Variants in HARS1 observed in about 807,000 individuals in gnomAD.
HARS1 encodes the protein histidine--tRNA ligase, cytoplasmic.
In HARS1, 45 loss-of-function variants were observed where a neutral mutation model predicts 63.6. That is an observed-to-expected ratio of 0.71 (90% CI 0.56 to 0.91). The LOEUF (loss-of-function observed/expected upper bound fraction) is 0.91. Ranked by LOEUF, HARS1 falls within the 40% of genes least tolerant of loss-of-function variation. The pLI, the probability that HARS1 is intolerant of heterozygous loss-of-function variation, is 0.00. For missense variants in HARS1, 508 were observed against 643.2 expected (o/e 0.79, Z 2.27); for synonymous variants, 205 against 247.1 (o/e 0.83, Z 1.60).
chr5:140,685,151 A>C (rs1299372836), intron 2 of HARS1: 1 of 151,878 alleles, frequency 6.6e-6, no homozygotes, highest in Non-Finnish European at 1.5e-5. Flanking sequence ...GATTGGTTGC[A>C]ATGTGGAATT....
chr5:140,688,103 CAAACAAAACAAAACAAAACA>C (rs59554063), intron 2 of HARS1, among the ~76,000 whole-genome samples: 84 of 150,692 alleles, frequency 5.6e-4, no homozygotes, highest in Middle Eastern at 6.9e-3. Flanking sequence ...GACTCCGTCT[CAAACAAAACAAAACAAAACA>C]AAACAAAACA....
rs1331794645 is a variant in HARS1 at position 140,691,310 on chromosome 5, C to A, written c.-6G>T. 5.0e-6 allele frequency: 8 copies of A among 1,601,046 alleles called. No individual in the cohort carries two copies. Among genetic ancestry groups the A allele is most frequent in the South Asian group, 3.3e-5 (3 of 90,380 alleles). ...AGCGCCGCACGCTCTGCCATCCCGG[C>A]TGTCCACTTGAGCCGCCTGCTGTCT... On this transcript the variant is annotated 5_prime_UTR_variant, in exon 1 of 13. Transcript: ENST00000504156.
At chr5:140,677,624 G>T (rs762827270) in intron 7 of HARS1, 31 bp downstream of exon 7, 8 of 1,435,434 alleles carry the variant, frequency 5.6e-6, no homozygotes, top group Non-Finnish European at 7.9e-6. Flanking sequence ...GGTGGGATCT[G>T]GGAAAAGAAG....
At chr5:140,678,825 C>T (rs972859319) in intron 5 of HARS1, 177 bp downstream of exon 5, 5 of 581,626 alleles carry the variant, frequency 8.6e-6, no homozygotes, top group Non-Finnish European at 5.8e-6. Flanking sequence ...GCTTGGGCAA[C>T]AGAGCGAGAC....
chr5:140,685,648 G>C, intron 2 of HARS1, among the ~76,000 whole-genome samples: 1 of 151,290 alleles, frequency 6.6e-6, no homozygotes, highest in African/African-American at 2.4e-5. Flanking sequence ...TTGAACCCAG[G>C]AGGTGGAGGC....
intron 2 of HARS1, chr5:140,683,971 G>A (rs1347125541): frequency 6.6e-6 from 1 of 152,322 alleles, no homozygotes; most frequent in East Asian, 1.9e-4. Context: ...CTGAGAGACA[G>A]AGCGAGACTC....
At chr5:140,682,894 T>C in intron 3 of HARS1, 2 of 498,010 alleles carry the variant, frequency 4.0e-6, no homozygotes, top group Non-Finnish European at 7.2e-6. Flanking sequence ...TGGCTCTCTT[T>C]TGGAATCTGC....
In HARS1 at chr5:140,676,357, TAAG is replaced by T; in HGVS notation, c.1194+294_1194+296del. Reference sequence around the variant, plus strand: ...TGCCTGGCACAAGGCAGTAAAATGTTAAGTATTCCGTATCATGAGGAAGATCTA... The same window carrying T: ...TGCCTGGCACAAGGCAGTAAAATGTTTATTCCGTATCATGAGGAAGATCTA... On this transcript the variant is annotated intron_variant, in intron 10 of 12. Coordinates refer to ENST00000504156, the MANE Select transcript of HARS1 (RefSeq NM_002109.6). The surrounding 1 kb of genome is among the most constrained non-coding windows in gnomAD (Gnocchi z 4.1). The T allele has an allele frequency of 2.8e-6, 1 of 361,068 alleles. No individual in the cohort carries two copies. The highest frequency in any genetic ancestry group is 5.0e-6 in the Non-Finnish European group (1 of 198,150). The allele number at this position is 361,068 out of a possible 1,614,324, so 22.4% of individuals were successfully genotyped here.
chr5:140,685,248 G>C (rs1369838323), intron 2 of HARS1: 1 of 151,692 alleles, frequency 6.6e-6, no homozygotes, highest in African/African-American at 2.4e-5. Flanking sequence ...CAAATCCATA[G>C]AGACAGAAAG....
Position 140,675,137 on chromosome 5 carries a change from G to A in HARS1, c.1195-4C>T, listed in dbSNP as rs1268260855. ...TCCGTATCTTCTCCTCCAAAGCCTG[G>A]GGAAGGGGCAGATAAAAGAGAGCTG... is the stretch of plus-strand genomic sequence containing the variant. On this transcript the variant is annotated splice_polypyrimidine_tract_variant and splice_region_variant and intron_variant, in intron 10 of 12. Transcript: ENST00000504156. 6.4e-7 allele frequency: 1 copy of A among 1,571,802 alleles called. No individual in the cohort carries two copies. Among genetic ancestry groups the A allele is most frequent in the Admixed American group, 1.7e-5 (1 of 59,912 alleles).
At chr5:140,680,761 A>C (rs571957723) in intron 3 of HARS1, among the ~76,000 whole-genome samples, 1 of 151,116 alleles carries the variant, frequency 6.6e-6, no homozygotes, top group African/African-American at 2.4e-5. Context: ...AATCGCTTGA[A>C]CCCGGGAGGC....
At chr5:140,688,915 G>A (rs1413959613) in intron 2 of HARS1, among the ~76,000 whole-genome samples, 1 of 152,194 alleles carries the variant, frequency 6.6e-6, no homozygotes. Flanking sequence ...CCCAGGTGGT[G>A]CTGTGTACTT....
chr5:140,686,124 G>A (rs1315129378), intron 2 of HARS1, among the ~76,000 whole-genome samples: 3 of 151,150 alleles, frequency 2.0e-5, no homozygotes, highest in Non-Finnish European at 4.4e-5. Flanking sequence ...TAGTAGAGAC[G>A]GGGTTCCACC....
In HARS1 at chr5:140,679,156, C is replaced by G. The variant is rs1758567879; in HGVS notation, c.397-29G>C. On this transcript the variant is annotated intron_variant, in intron 4 of 12. Transcript: ENST00000504156. This position sits in a 1 kb window ranked among gnomAD's most constrained non-coding sequence, Gnocchi z 4.3. ...ATGACAAAGAGTTAAGGAGAAAGCCCCTCCTATCACTGTCTGCAAGTTGAT... is the reference window on the plus strand; with the variant it reads ...ATGACAAAGAGTTAAGGAGAAAGCCGCTCCTATCACTGTCTGCAAGTTGAT... The G allele has an allele frequency of 6.2e-7, 1 of 1,611,274 alleles. No individual in the cohort carries two copies. Among genetic ancestry groups the G allele is most frequent in the South Asian group, 1.1e-5 (1 of 90,844 alleles).
chr5:140,674,477 TG>T, intron 12 of HARS1, 149 bp from the exon 13 acceptor site: 2 of 797,364 alleles, frequency 2.5e-6, no homozygotes, highest in Non-Finnish European at 2.1e-6. Flanking sequence ...GTGTGCCTCT[TG>T]GGGGAGCCAA....
rs1312308936 is a variant in HARS1, at chr5:140,676,625, C to T, written c.1194+29G>A. 1.9e-6 allele frequency: 3 copies of T among 1,604,796 alleles called. No individual in the cohort carries two copies. The highest frequency in any genetic ancestry group is 1.3e-5 in the African/African-American group (1 of 74,788). Reference sequence around the variant, plus strand: ...GCTTAGGTGCCACCACCTGCTCAGACTATCTTCTACCTACCTCCTAGGACC... The same window carrying T: ...GCTTAGGTGCCACCACCTGCTCAGATTATCTTCTACCTACCTCCTAGGACC... On this transcript the variant is annotated intron_variant, in intron 10 of 12. Transcript: ENST00000504156. The surrounding 1 kb of genome is among the most constrained non-coding windows in gnomAD (Gnocchi z 4.1).
At chr5:140,682,548 T>A (rs1047828518) in intron 3 of HARS1, among the ~76,000 whole-genome samples, 6 of 152,156 alleles carry the variant, frequency 3.9e-5, no homozygotes, top group African/African-American at 1.4e-4. Context: ...GCAATCTGGG[T>A]TGGCTGGTTT....
In HARS1 at chr5:140,679,858, T is replaced by C. The variant is rs1366709742; in HGVS notation, c.326A>G (p.Glu109Gly). The C allele has an allele frequency of 6.2e-7, 1 of 1,604,158 alleles. No individual in the cohort carries two copies. Among genetic ancestry groups the C allele is most frequent in the East Asian group, 2.2e-5 (1 of 44,802 alleles). The change falls in exon 4 of 13, where the codon GAA (glutamate) becomes GGA (glycine). Residue 109 changes from glutamate (E) to glycine (G), a missense_variant. By Grantham distance (98) the Glu-to-Gly change is moderately conservative. This residue lies in a region of HARS1 where 403 missense variants were observed against 548.7 expected (regional missense o/e 0.73). Transcript: ENST00000504156. This position sits in a 1 kb window ranked among gnomAD's most constrained non-coding sequence, Gnocchi z 4.3. ...CAGGTCATAGATAAGCTTGGAGTCTTCCCCATACTTTCCCATCAGTGTTTC... is the reference window on the plus strand; with the variant it reads ...CAGGTCATAGATAAGCTTGGAGTCTCCCCCATACTTTCCCATCAGTGTTTC... Reference protein sequence around the residue: ...LKETLMGKYGEDSKLIYDLKD... With the variant: ...LKETLMGKYGGDSKLIYDLKD...
At position 140,677,198 on chromosome 5, in the gene HARS1, C is replaced by T. The variant is rs184591417; in HGVS notation, c.824-82G>A. On this transcript the variant is annotated intron_variant, in intron 8 of 12. Coordinates refer to ENST00000504156, the MANE Select transcript of HARS1 (RefSeq NM_002109.6). ...TTGACCTTCTTGCCTGGACTCTAGT[C>T]GCCCATGCATGTGTGTGTACATATG... 48 of 1,494,620 alleles carry T rather than the reference C, an allele frequency of 3.2e-5. No individual in the cohort carries two copies. The African/African-American group carries it at 4.3e-4, about 13-fold the overall frequency. 92.6% of individuals were successfully genotyped at this position (1,494,620 alleles called of 1,614,324 possible).
Sources: allele counts gnomAD v4.1 joint callset (sites outside exome capture counted in the v4.1 genomes callset), GRCh38; gene constraint gnomAD v4.1.1; regional missense constraint gnomAD v4.1.1; non-coding constraint Gnocchi (gnomAD v3.1); transcripts MANE v1.5; gene names NCBI Gene and HGNC (gene_info 2026-07-23, HGNC 2026-07-21).